DLGAP2: variants seen among roughly 807,000 people sequenced by gnomAD.
The protein encoded by DLGAP2 is DLG associated protein 2, also known as disks large-associated protein 2.
In DLGAP2, 26 loss-of-function variants were observed where a neutral mutation model predicts 100.3. The ratio of observed to expected loss-of-function variants is 0.26; its 90% CI spans 0.19 to 0.36. The LOEUF (loss-of-function observed/expected upper bound fraction) is 0.36, where lower values mean the gene tolerates loss of function less well. Ranked by LOEUF, DLGAP2 falls within the 10% of genes least tolerant of loss-of-function variation. The pLI, the probability that DLGAP2 is intolerant of heterozygous loss-of-function variation, is 1.00. For missense variants in DLGAP2, 1,858 were observed against 1,453.2 expected, an observed-to-expected ratio of 1.28 and a Z score of -4.53; for synonymous variants, 886 against 630.1, an observed-to-expected ratio of 1.41 and a Z score of -6.08.
chr8:1,317,223 C>T (rs1212407152), intron 3 of DLGAP2, among the ~76,000 whole-genome samples: 3 of 136,404 alleles, frequency 2.2e-5, no homozygotes, highest in Non-Finnish European at 4.7e-5. Context: ...ACTCGAGACA[C>T]TCGGCAGCGT....
intron 3 of DLGAP2, among the ~76,000 whole-genome samples, chr8:1,487,998 G>T (rs562356179): frequency 6.6e-5 from 10 of 150,698 alleles, no homozygotes; most frequent in African/African-American, 2.4e-4. Flanking sequence ...TTGTTGAAAT[G>T]ATCGCTTTGA....
At chr8:1,322,293 A>G (rs915750137) in intron 3 of DLGAP2, among the ~76,000 whole-genome samples, 1 of 152,246 alleles carries the variant, frequency 6.6e-6, no homozygotes, top group African/African-American at 2.4e-5. Context: ...AGCATACTGA[A>G]AAAACTTCGA....
At chr8:1,658,331 A>G (rs961819430) in intron 8 of DLGAP2, among the ~76,000 whole-genome samples, 4 of 152,164 alleles carry the variant, frequency 2.6e-5, no homozygotes, top group African/African-American at 9.7e-5. Context: ...CCTAGTCTGC[A>G]TATCTATGCC....
intron 2 of DLGAP2, among the ~76,000 whole-genome samples, chr8:919,738 G>C (rs1426289199): frequency 6.6e-6 from 1 of 152,138 alleles, no homozygotes; most frequent in Non-Finnish European, 1.5e-5. Flanking sequence ...CTGCTGGGCC[G>C]TGCTCGCCAC....
chr8:1,155,210 C>T (rs1017865123), intron 2 of DLGAP2, among the ~76,000 whole-genome samples: 8 of 152,198 alleles, frequency 5.3e-5, no homozygotes, highest in African/African-American at 1.9e-4. Context: ...TTTCTAGGAA[C>T]GCTTGCTGGA....
rs146972405 is a variant in DLGAP2, at chr8:1,137,458, C to T, written c.74-121393C>T. ...GACACTGTCCCATTGCTGCATGGAG[C>T]CTCTCGCTGTCTGAGCCTCACCTGA... On this transcript the variant is annotated intron_variant, in intron 2 of 14. Transcript: ENST00000637795. 5.4e-3 allele frequency: 822 copies of T among 152,654 alleles called. 4 individuals carry two copies. The highest frequency in any genetic ancestry group is 0.027 in the Middle Eastern group (8 of 294). 9.5% of individuals were successfully genotyped at this position (152,654 alleles called of 1,614,324 possible). A position where few individuals can be genotyped will look rare whatever the true frequency, so the allele number is the denominator to read the frequency against.
intron 2 of DLGAP2, among the ~76,000 whole-genome samples, chr8:1,238,247 G>T (rs1331277010): frequency 7.2e-5 from 4 of 55,348 alleles, no homozygotes; most frequent in African/African-American, 2.8e-4. Context: ...ATGGTGCCAT[G>T]TCTAGTTCTC....
At chr8:1,465,019 G>A (rs551893695) in intron 3 of DLGAP2, among the ~76,000 whole-genome samples, 1 of 152,316 alleles carries the variant, frequency 6.6e-6, no homozygotes, top group East Asian at 1.9e-4. Flanking sequence ...CAAATGTTGG[G>A]GGCTTCTCCC....
chr8:1,291,471 A>T (rs1279684176), intron 3 of DLGAP2, among the ~76,000 whole-genome samples: 2 of 152,156 alleles, frequency 1.3e-5, no homozygotes, highest in Admixed American at 6.5e-5. Context: ...TGAAAGGCAG[A>T]CGTATGGCTC....
intron 4 of DLGAP2, among the ~76,000 whole-genome samples, chr8:1,528,311 G>A (rs890935329): frequency 4.6e-5 from 7 of 152,192 alleles, no homozygotes; most frequent in African/African-American, 9.6e-5. Flanking sequence ...CTGAGCCCAC[G>A]AACACTCCTG....
chr8:1,138,712 C>A (rs1443372784), intron 2 of DLGAP2, among the ~76,000 whole-genome samples: 4 of 152,254 alleles, frequency 2.6e-5, no homozygotes, highest in African/African-American at 9.6e-5. Context: ...GCAGCGGTGC[C>A]TTCTCTTCCT....
chr8:1,313,622 G>A (rs779992098), intron 3 of DLGAP2, among the ~76,000 whole-genome samples: 2 of 152,158 alleles, frequency 1.3e-5, no homozygotes, highest in African/African-American at 2.4e-5. Context: ...TCCAAAGTCA[G>A]GGGTGGATTC....
intron 2 of DLGAP2, among the ~76,000 whole-genome samples, chr8:1,256,897 A>C (rs1387028914): frequency 6.6e-6 from 1 of 151,986 alleles, no homozygotes; most frequent in Non-Finnish European, 1.5e-5. Flanking sequence ...GGCCTTGTGA[A>C]TGGTGGTGGC....
chr8:945,145 G>C (rs190305210), intron 2 of DLGAP2, among the ~76,000 whole-genome samples: 1 of 152,320 alleles, frequency 6.6e-6, no homozygotes, highest in East Asian at 1.9e-4. Context: ...ACACCCCTAA[G>C]AACCATGACT....
Position 1,185,929 on chromosome 8 carries a change from C to T in DLGAP2, c.74-72922C>T, listed in dbSNP as rs77499224. On this transcript the variant is annotated intron_variant, in intron 2 of 14. Transcript: ENST00000637795. ...AGGTTCCCTTCTGCCAAGGACTTCT[C>T]GCCTCGGAGTTCCATGATCTCGGGG... is the stretch of plus-strand genomic sequence containing the variant. 9.2e-5 allele frequency among the ~76,000 whole-genome samples: 14 copies of T among 152,288 alleles called. No homozygotes were observed. The East Asian group carries it at 2.3e-3, about 25-fold the overall frequency.
At chr8:1,377,809 G>C (rs1378619859) in intron 3 of DLGAP2, 2 of 152,310 alleles carry the variant, frequency 1.3e-5, no homozygotes, top group Admixed American at 1.3e-4. Context: ...TAAGAATCCA[G>C]CTCCGTGCAG....
At chr8:1,000,361 G>C (rs550083661) in intron 2 of DLGAP2, among the ~76,000 whole-genome samples, 1 of 150,378 alleles carries the variant, frequency 6.6e-6, no homozygotes, top group African/African-American at 2.5e-5. Flanking sequence ...TTTCGCACTG[G>C]ATTTTCTCTA....
intron 2 of DLGAP2, among the ~76,000 whole-genome samples, chr8:1,099,838 G>A (rs1240517178): frequency 6.6e-6 from 1 of 152,164 alleles, no homozygotes; most frequent in Non-Finnish European, 1.5e-5. Context: ...AATTCCTTCT[G>A]AATATCCATA....
chr8:903,409 A>G (rs1364090616), intron 1 of DLGAP2, among the ~76,000 whole-genome samples: 1 of 152,100 alleles, frequency 6.6e-6, no homozygotes, highest in Non-Finnish European at 1.5e-5. Context: ...TGTCAGCTCA[A>G]TACATGTGCA....
Sources: allele counts gnomAD v4.1 joint callset (sites outside exome capture counted in the v4.1 genomes callset), GRCh38; gene constraint gnomAD v4.1.1; transcripts MANE v1.5; gene names NCBI Gene and HGNC (gene_info 2026-07-23, HGNC 2026-07-21).